SNTG2: variants seen among roughly 807,000 people sequenced by gnomAD.
SNTG2 encodes gamma-2-syntrophin.
Under a neutral mutation model 70.9 loss-of-function variants are expected in SNTG2, and 74 were observed. The ratio of observed to expected loss-of-function variants is 1.04; its 90% CI spans 0.86 to 1.27. The LOEUF (loss-of-function observed/expected upper bound fraction) is 1.27, where lower values mean the gene tolerates loss of function less well. SNTG2 is among the 50% of genes most tolerant of loss of function. The pLI is 0.00. For synonymous variants in SNTG2, 278 were observed against 273.8 expected (o/e 1.02, Z -0.15); for missense variants, 717 against 690.7 (o/e 1.04, Z -0.43).
intron 1 of SNTG2, among the ~76,000 whole-genome samples, chr2:955,094 C>T (rs1660099041): frequency 6.6e-6 from 1 of 152,222 alleles, no homozygotes; most frequent in Non-Finnish European, 1.5e-5. Context: ...TTAAACTTCA[C>T]AGTCTGCTAA....
At chr2:975,832 C>T (rs1660891794) in intron 1 of SNTG2, among the ~76,000 whole-genome samples, 1 of 152,014 alleles carries the variant, frequency 6.6e-6, no homozygotes, top group Admixed American at 6.5e-5. Context: ...GTGTTTATTC[C>T]CCAAGATCTC....
intron 1 of SNTG2, among the ~76,000 whole-genome samples, chr2:989,240 A>G (rs1222364732): frequency 2.6e-5 from 4 of 151,912 alleles, no homozygotes; most frequent in Non-Finnish European, 4.4e-5. Flanking sequence ...TCCATCTTGC[A>G]TTGGGTAGGA....
chr2:1,009,191 G>C (rs1400852394), intron 1 of SNTG2, among the ~76,000 whole-genome samples: 1 of 73,632 alleles, frequency 1.4e-5, no homozygotes, highest in African/African-American at 4.2e-5. Context: ...TGATACTGGT[G>C]TGGGTCGTGT....
chr2:1,067,163 A>G (rs1217859342), intron 1 of SNTG2, among the ~76,000 whole-genome samples: 2 of 151,676 alleles, frequency 1.3e-5, no homozygotes. Context: ...AGAAATGCGC[A>G]CTAAAATGTT....
Position 1,097,388 on chromosome 2 carries a change from A to T in SNTG2, c.211-808A>T, listed in dbSNP as rs1450125883. On this transcript the variant is annotated intron_variant, in intron 2 of 16. Transcript: ENST00000308624. This position sits in a 1 kb window ranked among gnomAD's most constrained non-coding sequence, Gnocchi z 4.1. Reference sequence around the variant, plus strand: ...GAACATGCTCATGTTTCCTCTTAGAACTCAAAGAATGTCTGTCACTTCTGT... The same window carrying T: ...GAACATGCTCATGTTTCCTCTTAGATCTCAAAGAATGTCTGTCACTTCTGT... Among the ~76,000 whole-genome samples the T allele has an allele frequency of 6.6e-6, 1 of 152,058 alleles. No individual in the cohort carries two copies. The highest frequency in any genetic ancestry group is 1.5e-5 in the Non-Finnish European group (1 of 68,028).
chr2:1,125,877 CAT>C (rs1475221693), intron 4 of SNTG2, among the ~76,000 whole-genome samples: 1 of 151,950 alleles, frequency 6.6e-6, no homozygotes, highest in Non-Finnish European at 1.5e-5. Flanking sequence ...TTAATTAACA[CAT>C]AATTGTACAT....
chr2:1,308,690 C>T, intron 15 of SNTG2, 104 bp downstream of exon 15: 1 of 954,198 alleles, frequency 1.0e-6, no homozygotes. Context: ...ACCAACCTTG[C>T]TGGATTGTGT....
intron 14 of SNTG2, among the ~76,000 whole-genome samples, chr2:1,287,170 T>C (rs1679797971): frequency 6.6e-6 from 1 of 152,224 alleles, no homozygotes; most frequent in Admixed American, 6.5e-5. Context: ...TCTTCATTCC[T>C]TCCTTCTGTC....
chr2:1,222,228 A>G (rs1572777445), intron 9 of SNTG2, among the ~76,000 whole-genome samples: 1 of 150,924 alleles, frequency 6.6e-6, no homozygotes, highest in Non-Finnish European at 1.5e-5. Context: ...ACCTCTGAGG[A>G]TTATTCGTTT....
intron 2 of SNTG2, among the ~76,000 whole-genome samples, chr2:1,085,086 C>T (rs1366793414): frequency 3.9e-5 from 6 of 152,124 alleles, no homozygotes; most frequent in Non-Finnish European, 2.9e-5. Flanking sequence ...TTTTTTTCCC[C>T]GACATGTAGA....
intron 9 of SNTG2, among the ~76,000 whole-genome samples, chr2:1,228,287 CTT>C (rs1220655413): frequency 6.6e-6 from 1 of 152,212 alleles, no homozygotes; most frequent in Non-Finnish European, 1.5e-5. Context: ...ATATGGTTCT[CTT>C]AGGATCAGAG....
At chr2:1,296,235 A>T (rs908592856) in intron 14 of SNTG2, among the ~76,000 whole-genome samples, 5 of 152,258 alleles carry the variant, frequency 3.3e-5, no homozygotes, top group Non-Finnish European at 7.3e-5. Flanking sequence ...ATTGGTTAGA[A>T]TAATGACAGC....
In SNTG2 at chr2:1,209,242, T is replaced by C; in HGVS notation, c.719+12T>C. ...ACGGAAAAATTAAGGTGTGTGACCA[T>C]TGTCTGAGATGGGAAACTTTGATGA... On this transcript the variant is annotated intron_variant, in intron 9 of 16. Coordinates refer to ENST00000308624, the MANE Select transcript of SNTG2 (RefSeq NM_018968.4). 2.5e-6 allele frequency: 4 copies of C among 1,613,806 alleles called. No homozygotes were observed. Among genetic ancestry groups the C allele is most frequent in the Non-Finnish European group, 3.4e-6 (4 of 1,179,788 alleles).
chr2:986,594 G>A (rs369422924), intron 1 of SNTG2, among the ~76,000 whole-genome samples: 2 of 152,302 alleles, frequency 1.3e-5, no homozygotes, highest in East Asian at 1.9e-4. Context: ...CATACCAGTG[G>A]CTGAGCCTGA....
At chr2:1,327,802 A>C (rs967702842) in intron 16 of SNTG2, among the ~76,000 whole-genome samples, 1 of 152,224 alleles carries the variant, frequency 6.6e-6, no homozygotes, top group Non-Finnish European at 1.5e-5. Flanking sequence ...TGAACTTGGA[A>C]AATATTTGGG....
At chr2:1,132,795 C>G (rs983836378) in intron 4 of SNTG2, among the ~76,000 whole-genome samples, 2 of 152,166 alleles carry the variant, frequency 1.3e-5, no homozygotes, top group African/African-American at 2.4e-5. Flanking sequence ...AACGCCCACT[C>G]ACCCTCCCTC....
chr2:1,006,643 C>T (rs900404272), intron 1 of SNTG2, among the ~76,000 whole-genome samples: 33 of 152,066 alleles, frequency 2.2e-4, no homozygotes, highest in African/African-American at 8.0e-4. Context: ...AGACTTTTTC[C>T]TTGTCATTAT....
At chr2:1,186,423 C>T (rs867593702) in intron 8 of SNTG2, among the ~76,000 whole-genome samples, 3 of 152,096 alleles carry the variant, frequency 2.0e-5, no homozygotes, top group South Asian at 2.1e-4. Context: ...TAGCAGTATT[C>T]GTGGTACCAA....
intron 1 of SNTG2, among the ~76,000 whole-genome samples, chr2:983,955 C>G (rs1352739238): frequency 1.3e-5 from 2 of 152,112 alleles, no homozygotes; most frequent in Non-Finnish European, 2.9e-5. Flanking sequence ...TGTCTGTGTC[C>G]CTGTGTCCCT....
Sources: gnomAD v4.1 joint callset for allele counts (sites outside exome capture counted in the v4.1 genomes callset) on GRCh38, gnomAD v4.1.1 for gene constraint, Gnocchi (gnomAD v3.1) non-coding constraint, MANE v1.5 for transcripts, NCBI Gene and HGNC (gene_info 2026-07-23, HGNC 2026-07-21) for gene names.